RNF44: variants seen among roughly 807,000 people sequenced by gnomAD.
The protein encoded by RNF44 is ring finger protein 44.
Under a neutral mutation model 53.6 loss-of-function variants are expected in RNF44, and 25 were observed. That is an observed-to-expected ratio of 0.47 (90% CI 0.34 to 0.65). The LOEUF (loss-of-function observed/expected upper bound fraction) is 0.65. Among genes scored for constraint, RNF44 ranks in the 30% least tolerant of loss-of-function variants. RNF44 has a pLI of 0.01. For synonymous variants in RNF44, 282 were observed against 252.2 expected (o/e 1.12, Z -1.12); for missense variants, 581 against 595.5 (o/e 0.98, Z 0.25).
rs563386364 is a variant in RNF44, at chr5:176,531,801, G to C, written c.298-171C>G. On this transcript the variant is annotated intron_variant, in intron 3 of 10. Coordinates refer to ENST00000274811, the MANE Select transcript of RNF44 (RefSeq NM_014901.5). This position sits in a 1 kb window ranked among gnomAD's most constrained non-coding sequence, Gnocchi z 4.2. ...TCTACTCCCAGGCCCCCGGGGCAGAGAAAGCCCCGTGGGAATCTAGCTCTG... is the reference window on the plus strand; with the variant it reads ...TCTACTCCCAGGCCCCCGGGGCAGACAAAGCCCCGTGGGAATCTAGCTCTG... 2.4e-5 allele frequency: 21 copies of C among 871,280 alleles called. No homozygotes were observed. The South Asian group carries it at 3.4e-4, about 14-fold the overall frequency. The allele number at this position is 871,280 out of a possible 1,614,324, so 54.0% of individuals were successfully genotyped here.
chr5:176,533,191 G>C (rs1225456101), intron 1 of RNF44, among the ~76,000 whole-genome samples: 1 of 152,190 alleles, frequency 6.6e-6, no homozygotes, highest in Non-Finnish European at 1.5e-5. Flanking sequence ...CCTCTGGCTG[G>C]TTCCAGCAGG....
chr5:176,541,003 C>T (rs1310777920), upstream of RNF44, among the ~76,000 whole-genome samples: 2 of 152,236 alleles, frequency 1.3e-5, no homozygotes, highest in Non-Finnish European at 2.9e-5. Flanking sequence ...GTGGCCTGCA[C>T]ACCTACTGTG....
intron 1 of RNF44, among the ~76,000 whole-genome samples, chr5:176,535,159 C>T (rs1279637743): frequency 1.3e-5 from 2 of 152,236 alleles, no homozygotes; most frequent in African/African-American, 4.8e-5. Flanking sequence ...TTCTTGCCTA[C>T]AGACCGTGGG....
intron 7 of RNF44, 108 bp downstream of exon 7, chr5:176,529,974 G>A (rs1239639990): frequency 1.1e-5 from 16 of 1,415,782 alleles, no homozygotes; most frequent in Admixed American, 5.3e-5. Flanking sequence ...GGGAACGCCA[G>A]GTGGCTTCAG....
chr5:176,529,681 G>A (rs2113080497), intron 8 of RNF44, 37 bp from the exon 9 acceptor site: 1 of 1,611,974 alleles, frequency 6.2e-7, no homozygotes, highest in African/African-American at 1.3e-5. Context: ...GCGGCGCCCA[G>A]GGCTGCAGGT....
chr5:176,532,571 C>T (rs539816954), intron 1 of RNF44, 55 bp from the exon 2 acceptor site: 21 of 1,403,440 alleles, frequency 1.5e-5, no homozygotes, highest in East Asian at 5.1e-5. Context: ...GGTGAAACCT[C>T]GTCTCTGCTA....
chr5:176,531,760 C>T lies in RNF44; in HGVS notation c.298-130G>A. On this transcript the variant is annotated intron_variant, in intron 3 of 10. Transcript: ENST00000274811. The surrounding 1 kb of genome is among the most constrained non-coding windows in gnomAD (Gnocchi z 4.2). Reference sequence around the variant, plus strand: ...TTCTCCACGGCGGCCTACCTCAGTGCAGACCAGACTGTGCCTCTACTCCCA... The same window carrying T: ...TTCTCCACGGCGGCCTACCTCAGTGTAGACCAGACTGTGCCTCTACTCCCA... The T allele has an allele frequency of 2.0e-6, 2 of 1,005,724 alleles. No individual in the cohort carries two copies. Among genetic ancestry groups the T allele is most frequent in the South Asian group, 1.7e-5 (1 of 59,496 alleles). 62.3% of individuals were successfully genotyped at this position (1,005,724 alleles called of 1,614,324 possible).
rs1581103413 is a variant in RNF44, at chr5:176,532,066, T to C, written c.235A>G (p.Ser79Gly). Residue 79 changes from serine to glycine, a missense_variant, in exon 3 of 11, where the codon AGC becomes GGC. Ser to Gly is a moderately conservative substitution (Grantham distance 56). Coordinates refer to ENST00000274811, the MANE Select transcript of RNF44 (RefSeq NM_014901.5). Reference sequence around the variant, plus strand: ...GTGGCTGGGTGCAGCATTCGGGGGCTCCCGCCGGCAGGAGCCGAGGCTCGG... The same window carrying C: ...GTGGCTGGGTGCAGCATTCGGGGGCCCCCGCCGGCAGGAGCCGAGGCTCGG... The part of the protein sequence containing the change: ...ERRASAPAGG[S>G]PRMLHPATQQ... 1.2e-6 allele frequency: 2 copies of C among 1,607,206 alleles called. No individual in the cohort carries two copies. Among genetic ancestry groups the C allele is most frequent in the Non-Finnish European group, 1.7e-6 (2 of 1,177,426 alleles).
upstream of RNF44, among the ~76,000 whole-genome samples, chr5:176,539,505 T>C (rs189729360): frequency 2.1e-3 from 321 of 152,278 alleles, 1 homozygote; most frequent in African/African-American, 7.1e-3. Context: ...CTGACCAACA[T>C]GGTGAAACCC....
Position 176,532,022 on chromosome 5 carries a change from C to T in RNF44, c.279G>A (p.Met93Ile), listed in dbSNP as rs749063466. The T allele has an allele frequency of 6.2e-7, 1 of 1,611,288 alleles. No homozygotes were observed. The highest frequency in any genetic ancestry group is 1.3e-5 in the African/African-American group (1 of 74,958). ...TGCCTACCTGCTCGTGGAGATCAAC[C>T]ATGAACGGGCTCTGCTGGGTGGCTG... The part of the protein sequence containing the change: ...LHPATQQSPF[M>I]VDLHEQVHQG... The change falls in exon 3 of 11, where the codon ATG becomes ATA. Residue 93 changes from methionine to isoleucine, a missense_variant. Physicochemically the swap from Met to Ile is conservative, Grantham distance 10. This residue lies in a region of RNF44 where 387 missense variants were observed against 366.0 expected (regional missense o/e 1.06). Coordinates refer to ENST00000274811, the MANE Select transcript of RNF44 (RefSeq NM_014901.5).
At position 176,530,089 on chromosome 5, in the gene RNF44, A is replaced by G; in HGVS notation, c.919T>C (p.Tyr307His). The G allele has an allele frequency of 1.0e-6, 1 of 989,404 alleles. No homozygotes were observed. The highest frequency in any genetic ancestry group is 1.2e-6 in the Non-Finnish European group (1 of 835,652). The allele number at this position is 989,404 out of a possible 1,614,324, so 61.3% of individuals were successfully genotyped here. A position where few individuals can be genotyped will look rare whatever the true frequency, so the allele number is the denominator to read the frequency against. The change falls in exon 7 of 11, where the codon TAC becomes CAC. Residue 307 changes from tyrosine (Y) to histidine (H), a missense_variant. By Grantham distance (83) the Tyr-to-His change is moderately conservative (BLOSUM62 2). Coordinates refer to ENST00000274811, the MANE Select transcript of RNF44 (RefSeq NM_014901.5). The stretch of plus-strand genomic sequence containing the variant: ...GGATGTGCGGATACTTACAGGAAGT[A>G]GGGCAGGAAGCTGGGGTAGTAGGGT... ...PPPYYPSFLP[Y>H]FLSMLPMSPT...
At chr5:176,537,477 G>A (rs533168336), upstream of RNF44, 1 of 152,318 alleles carries the variant, frequency 6.6e-6, no homozygotes, top group East Asian at 1.9e-4. Flanking sequence ...CGTGACTAGT[G>A]GGCCACCATC....
intron 1 of RNF44, among the ~76,000 whole-genome samples, chr5:176,535,317 C>A (rs980069367): frequency 6.6e-6 from 1 of 152,178 alleles, no homozygotes; most frequent in African/African-American, 2.4e-5. Context: ...TGTGAATGAT[C>A]ATTATTAGCG....
upstream of RNF44, among the ~76,000 whole-genome samples, chr5:176,541,404 A>T (rs1757444097): frequency 6.6e-6 from 1 of 152,174 alleles, no homozygotes; most frequent in South Asian, 2.1e-4. Flanking sequence ...GTGAACCATG[A>T]ATGCCAACAC....
Position 176,528,980 on chromosome 5 carries a change from T to TTTCC in RNF44, c.*44_*47dup. The stretch of plus-strand genomic sequence containing the variant: ...ATCCTCCCTGGGCCCCACCCACAAG[T>TTTCC]TTCCAGAGCTTCAGGCAGGGTTCTC... On this transcript the variant is annotated 3_prime_UTR_variant, in exon 11 of 11. Transcript: ENST00000274811. 6.3e-7 allele frequency: 1 copy of TTTCC among 1,580,826 alleles called. No individual in the cohort carries two copies. Among genetic ancestry groups the TTTCC allele is most frequent in the Non-Finnish European group, 8.6e-7 (1 of 1,158,628 alleles).
At chr5:176,529,477 C>T (rs1430569012) in intron 9 of RNF44, 46 bp downstream of exon 9, 9 of 1,609,144 alleles carry the variant, frequency 5.6e-6, no homozygotes, top group Non-Finnish European at 6.8e-6. Flanking sequence ...CGTCCCACGG[C>T]AGCCAGCTGT....
chr5:176,531,791 C>T lies in RNF44; in HGVS notation c.298-161G>A. 1.1e-6 allele frequency: 1 copy of T among 885,008 alleles called. No homozygotes were observed. The highest frequency in any genetic ancestry group is 1.7e-6 in the Non-Finnish European group (1 of 593,682). 54.8% of individuals were successfully genotyped at this position (885,008 alleles called of 1,614,324 possible). ...AGACTGTGCCTCTACTCCCAGGCCC[C>T]CGGGGCAGAGAAAGCCCCGTGGGAA... On this transcript the variant is annotated intron_variant, in intron 3 of 10. Coordinates refer to ENST00000274811, the MANE Select transcript of RNF44 (RefSeq NM_014901.5). The surrounding 1 kb of genome is among the most constrained non-coding windows in gnomAD (Gnocchi z 4.2).
chr5:176,539,350 T>A (rs1757392405), upstream of RNF44, among the ~76,000 whole-genome samples: 1 of 152,194 alleles, frequency 6.6e-6, no homozygotes, highest in Non-Finnish European at 1.5e-5. Flanking sequence ...ACCTCCAATG[T>A]CTCCTTCAAC....
intron 1 of RNF44, among the ~76,000 whole-genome samples, chr5:176,532,747 C>CAAAAAAAAAAAAAAAA (rs3051911): frequency 2.8e-5 from 2 of 72,592 alleles, no homozygotes; most frequent in Non-Finnish European, 4.9e-5. Context: ...ACTCCCGTCT[C>CAAAAAAAAAAAAAAAA]AAAAAAAAAA....
Sources: gnomAD v4.1 joint callset for allele counts (sites outside exome capture counted in the v4.1 genomes callset) on GRCh38, gnomAD v4.1.1 for gene constraint, gnomAD v4.1.1 regional missense constraint, Gnocchi (gnomAD v3.1) non-coding constraint, MANE v1.5 for transcripts, NCBI Gene and HGNC (gene_info 2026-07-23, HGNC 2026-07-21) for gene names.